The following TXNDC9 variants were observed in gnomAD, a reference collection of about 807,000 sequenced individuals.
The protein encoded by TXNDC9 is thioredoxin domain containing 9, also known as thioredoxin domain-containing protein 9.
A neutral mutation model predicts 23.0 loss-of-function variants in TXNDC9; 7 were observed. The observed-to-expected ratio is 0.30, with a 90% CI of 0.17 to 0.57. The LOEUF (loss-of-function observed/expected upper bound fraction) is 0.57, where lower values mean the gene tolerates loss of function less well. Ranked by LOEUF, TXNDC9 falls within the 20% of genes least tolerant of loss-of-function variation. The probability of loss-of-function intolerance (pLI) is 0.90; values close to 1 mark genes in which losing one functional copy is unlikely to be tolerated. For missense variants in TXNDC9, 198 were observed against 252.6 expected (o/e 0.78, Z 1.47); for synonymous variants, 72 against 90.6 (o/e 0.79, Z 1.17).
At chr2:99,308,416 C>T in the TXNDC9 span, among the ~76,000 whole-genome samples, 1 of 152,152 alleles carries the variant, frequency 6.6e-6, no homozygotes, top group African/African-American at 2.4e-5. Flanking sequence ...TATATTTTTG[C>T]TCTAAAAAGT....
In TXNDC9 at chr2:99,319,777, A is replaced by G. The variant is rs1376287598; in HGVS notation, c.586T>C (p.Phe196Leu). 1.3e-6 allele frequency: 2 copies of G among 1,587,688 alleles called. No individual in the cohort carries two copies. Among genetic ancestry groups the G allele is most frequent in the East Asian group, 4.5e-5 (2 of 44,536 alleles). ...NYSGNLMEPPFQNQKKFGTNF... is the reference protein window; with the variant it reads ...NYSGNLMEPPLQNQKKFGTNF... ...GTTCCAAATTTCTTTTGGTTCTGAA[A>G]TGGTGGCTCCATTAAATTTCCACTT... The change falls in exon 5 of 5, where the codon TTT becomes CTT. Residue 196 changes from phenylalanine to leucine, a missense_variant. Phe to Leu is a conservative substitution (Grantham distance 22). Transcript: ENST00000264255.
chr2:99,327,505 A>T (rs370820067), intron 3 of TXNDC9, 30 bp downstream of exon 3: 8 of 1,473,652 alleles, frequency 5.4e-6, no homozygotes, highest in East Asian at 2.3e-5. Context: ...GTGTTTTTTT[A>T]GAAAAAGTCA....
At chr2:99,309,400 A>G in the TXNDC9 span, among the ~76,000 whole-genome samples, 7 of 152,134 alleles carry the variant, frequency 4.6e-5, no homozygotes, top group Admixed American at 4.6e-4. Flanking sequence ...AATTTTAAAA[A>G]TTAAAGAGTA....
At chr2:99,307,013 C>CCCTCCCTTCCTT in the TXNDC9 span, among the ~76,000 whole-genome samples, 4 of 75,260 alleles carry the variant, frequency 5.3e-5, no homozygotes, top group South Asian at 4.6e-4. Flanking sequence ...TTCCCTCCCT[C>CCCTCCCTTCCTT]CCTTCCTTCC....
At chr2:99,330,318 A>AAAAAAAAAAAAAAAC (rs1238678566) in intron 2 of TXNDC9, among the ~76,000 whole-genome samples, 2 of 145,446 alleles carry the variant, frequency 1.4e-5, no homozygotes, top group South Asian at 2.2e-4. Flanking sequence ...AAAAAAAAAA[A>AAAAAAAAAAAAAAAC]AGCTGCTATT....
chr2:99,309,694 G>T, the TXNDC9 span, among the ~76,000 whole-genome samples: 1 of 151,746 alleles, frequency 6.6e-6, no homozygotes, highest in Non-Finnish European at 1.5e-5. Flanking sequence ...TTTTCTTTTT[G>T]CTTTTTTTTT....
At chr2:99,331,479 C>G (rs1447591679) in intron 2 of TXNDC9, among the ~76,000 whole-genome samples, 1 of 126,246 alleles carries the variant, frequency 7.9e-6, no homozygotes, top group Non-Finnish European at 1.6e-5. Flanking sequence ...GAGGTCAAGG[C>G]AGGATGGGCA....
the TXNDC9 span, among the ~76,000 whole-genome samples, chr2:99,307,228 A>T: frequency 3.3e-5 from 5 of 151,256 alleles, no homozygotes; most frequent in African/African-American, 1.2e-4. Context: ...TTAAACTACA[A>T]CTAGGATCTG....
Position 99,336,242 on chromosome 2 carries a change from A to G in TXNDC9, c.-36T>C. ...TTCTCACTACCCTCTGCCTCACCTG[A>G]GCTCTCGGTGACGCCTGAGAAGTGA... is the stretch of plus-strand genomic sequence containing the variant. On this transcript the variant is annotated 5_prime_UTR_variant, in exon 1 of 5. Coordinates refer to ENST00000264255, the MANE Select transcript of TXNDC9 (RefSeq NM_005783.4). 1 of 985,204 alleles carries G rather than the reference A, an allele frequency of 1.0e-6. No individual in the cohort carries two copies. The highest frequency in any genetic ancestry group is 1.2e-6 in the Non-Finnish European group (1 of 829,914). The allele number at this position is 985,204 out of a possible 1,614,324, so 61.0% of individuals were successfully genotyped here.
chr2:99,313,689 G>C, the TXNDC9 span, among the ~76,000 whole-genome samples: 14 of 152,160 alleles, frequency 9.2e-5, no homozygotes. Flanking sequence ...TTAGCCTGAT[G>C]AAATATAGGT....
intron 1 of TXNDC9, among the ~76,000 whole-genome samples, chr2:99,336,000 C>T (rs1477381654): frequency 6.6e-6 from 1 of 152,220 alleles, no homozygotes; most frequent in Non-Finnish European, 1.5e-5. Context: ...CTTAACTGAA[C>T]CCCAGGTACC....
chr2:99,314,273 T>TGG (rs2094183600), downstream of TXNDC9, among the ~76,000 whole-genome samples: 2 of 152,182 alleles, frequency 1.3e-5, no homozygotes, highest in Non-Finnish European at 1.5e-5. Flanking sequence ...AAATGCTTCT[T>TGG]TGGCCCTCCA....
At chr2:99,321,541 G>C (rs1482354743) in intron 4 of TXNDC9, 1 of 154,552 alleles carries the variant, frequency 6.5e-6, no homozygotes, top group Non-Finnish European at 1.4e-5. Flanking sequence ...AACTTTCTTT[G>C]CAAGAGTCTG....
At chr2:99,308,600 T>C in the TXNDC9 span, among the ~76,000 whole-genome samples, 1 of 152,016 alleles carries the variant, frequency 6.6e-6, no homozygotes, top group African/African-American at 2.4e-5. Context: ...TGTGTACGTG[T>C]GTGTGTGTAT....
At chr2:99,332,883 T>C (rs1281658556) in intron 2 of TXNDC9, 139 bp downstream of exon 2, 2 of 712,604 alleles carry the variant, frequency 2.8e-6, no homozygotes, top group Non-Finnish European at 2.3e-6. Context: ...TCTGGGCAAA[T>C]TTTTAACAGT....
At chr2:99,334,141 AG>A (rs1303171690) in intron 1 of TXNDC9, among the ~76,000 whole-genome samples, 1 of 152,208 alleles carries the variant, frequency 6.6e-6, no homozygotes, top group Non-Finnish European at 1.5e-5. Flanking sequence ...ACTTGAGTTC[AG>A]ATGTTTGAGA....
intron 2 of TXNDC9, among the ~76,000 whole-genome samples, chr2:99,332,073 T>G (rs911988647): frequency 2.6e-5 from 4 of 152,196 alleles, no homozygotes; most frequent in Admixed American, 1.3e-4. Context: ...CATGTTTAAG[T>G]CACAGTCAAC....
downstream of TXNDC9, among the ~76,000 whole-genome samples, chr2:99,315,751 T>C (rs1465399161): frequency 6.6e-6 from 1 of 152,248 alleles, no homozygotes; most frequent in Non-Finnish European, 1.5e-5. Context: ...GAGACTATTC[T>C]TTCCCATTTG....
downstream of TXNDC9, among the ~76,000 whole-genome samples, chr2:99,315,023 G>C (rs1574900527): frequency 1.4e-5 from 2 of 147,106 alleles, no homozygotes; most frequent in East Asian, 4.0e-4. Context: ...AGCCTCCCGA[G>C]TAGCTGGGAC....
Sources: allele counts gnomAD v4.1 joint callset (sites outside exome capture counted in the v4.1 genomes callset), GRCh38; gene constraint gnomAD v4.1.1; transcripts MANE v1.5; gene names NCBI Gene and HGNC (gene_info 2026-07-23, HGNC 2026-07-21).